The following SLC35F4 variants were observed in gnomAD, a reference collection of about 807,000 sequenced individuals.
SLC35F4 encodes the protein chromosome 14 open reading frame 36.
SLC35F4 carries 24 observed loss-of-function variants against 44.2 expected under a neutral mutation model. The ratio of observed to expected loss-of-function variants is 0.54; its 90% CI spans 0.39 to 0.76. The LOEUF is 0.76. Ranked by LOEUF, SLC35F4 falls within the 30% of genes least tolerant of loss-of-function variation. The pLI is 0.00. For missense variants in SLC35F4, 562 were observed against 586.1 expected, an observed-to-expected ratio of 0.96 and a Z score of 0.42; for synonymous variants, 238 against 223.6, an observed-to-expected ratio of 1.06 and a Z score of -0.57.
chr14:57,933,009 G>A (rs1464308036), intron 1 of SLC35F4, among the ~76,000 whole-genome samples: 1 of 151,210 alleles, frequency 6.6e-6, no homozygotes, highest in African/African-American at 2.4e-5. Context: ...AACCTCGGAA[G>A]GTTAATAAGG....
intron 1 of SLC35F4, among the ~76,000 whole-genome samples, chr14:57,956,601 AC>A (rs1279089461): frequency 3.9e-5 from 6 of 152,194 alleles, no homozygotes; most frequent in African/African-American, 1.4e-4. Context: ...CAAGAAAAAA[AC>A]AAACAACCCC....
chr14:57,766,458 A>G (rs2077236309), intron 1 of SLC35F4, among the ~76,000 whole-genome samples: 1 of 152,220 alleles, frequency 6.6e-6, no homozygotes, highest in Admixed American at 6.5e-5. Context: ...AGTTGGGTGC[A>G]GTAGAGTGAG....
intron 1 of SLC35F4, among the ~76,000 whole-genome samples, chr14:57,863,026 T>TA (rs58740607): frequency 0.099 from 15,049 of 151,932 alleles, 2,281 homozygotes; most frequent in African/African-American, 0.32. Context: ...TCATCTTTTT[T>TA]AAAAAAAATG....
At chr14:57,910,672 T>A (rs1329473741) in intron 1 of SLC35F4, among the ~76,000 whole-genome samples, 1 of 152,104 alleles carries the variant, frequency 6.6e-6, no homozygotes, top group African/African-American at 2.4e-5. Flanking sequence ...ACACACTGTT[T>A]TGATTACTAT....
At chr14:57,590,114 G>C (rs1445475446) in intron 2 of SLC35F4, among the ~76,000 whole-genome samples, 1 of 148,480 alleles carries the variant, frequency 6.7e-6, no homozygotes, top group Non-Finnish European at 1.5e-5. Flanking sequence ...AAATGGCCTG[G>C]TGCTGTGACT....
At position 57,865,713 on chromosome 14, in the gene SLC35F4, G is replaced by T; in HGVS notation, c.103+10C>A. The T allele has an allele frequency of 6.6e-7, 1 of 1,514,872 alleles. No homozygotes were observed. Among genetic ancestry groups the T allele is most frequent in the South Asian group, 1.2e-5 (1 of 81,196 alleles). The allele number at this position is 1,514,872 out of a possible 1,614,324, so 93.8% of individuals were successfully genotyped here. A position where few individuals can be genotyped will look rare whatever the true frequency, so the allele number is the denominator to read the frequency against. Reference sequence around the variant, plus strand: ...CCCGCCTCGCGCAGGGCAGCCGCGCGGCGTCTTACTTTTCTGGCTGGAGTA... The same window carrying T: ...CCCGCCTCGCGCAGGGCAGCCGCGCTGCGTCTTACTTTTCTGGCTGGAGTA... On this transcript the variant is annotated intron_variant, in intron 1 of 7. Coordinates refer to ENST00000556826, the MANE Select transcript of SLC35F4 (RefSeq NM_001306087.2).
rs1001498942 is a variant in SLC35F4 at position 57,865,743 on chromosome 14, G to A, written c.83C>T (p.Pro28Leu). 20 of 1,523,278 alleles carry A rather than the reference G, an allele frequency of 1.3e-5. No individual in the cohort carries two copies. Among genetic ancestry groups the A allele is most frequent in the Non-Finnish European group, 1.6e-5 (18 of 1,141,718 alleles). 94.4% of individuals were successfully genotyped at this position (1,523,278 alleles called of 1,614,324 possible). Residue 28 changes from proline (P) to leucine (L), a missense_variant, in exon 1 of 8, where the codon CCA (proline) becomes CTA (leucine). Coordinates refer to ENST00000556826, the MANE Select transcript of SLC35F4 (RefSeq NM_001306087.2). ...CTTACTTTTCTGGCTGGAGTAACCT[G>A]GATAATAGCCATAGTAGCCGGTGAT... Reference protein sequence around the residue: ...LRITGYYGYYPGYSSQKSTSR... With the variant: ...LRITGYYGYYLGYSSQKSTSR...
At chr14:57,945,165 C>T (rs1041203563) in intron 1 of SLC35F4, among the ~76,000 whole-genome samples, 6 of 152,128 alleles carry the variant, frequency 3.9e-5, no homozygotes, top group Admixed American at 2.0e-4. Context: ...TAAAGAGCCT[C>T]TCTGTTTGTT....
intron 1 of SLC35F4, among the ~76,000 whole-genome samples, chr14:57,899,249 A>T (rs1381621490): frequency 1.3e-5 from 2 of 152,176 alleles, no homozygotes. Context: ...TCCACTGAAA[A>T]ATCTCCATTT....
chr14:57,730,991 G>A (rs944843537), intron 1 of SLC35F4, among the ~76,000 whole-genome samples: 1 of 152,150 alleles, frequency 6.6e-6, no homozygotes, highest in Non-Finnish European at 1.5e-5. Flanking sequence ...ATTGCCAAGG[G>A]AGAATATTAT....
intron 1 of SLC35F4, among the ~76,000 whole-genome samples, chr14:57,926,151 C>T (rs1018341980): frequency 1.3e-5 from 2 of 152,214 alleles, no homozygotes; most frequent in African/African-American, 2.4e-5. Context: ...TATCCCACAT[C>T]AGACACTCAA....
intron 1 of SLC35F4, among the ~76,000 whole-genome samples, chr14:57,879,729 C>T (rs1888478343): frequency 6.6e-6 from 1 of 152,122 alleles, no homozygotes; most frequent in African/African-American, 2.4e-5. Flanking sequence ...TCCTTTGTGT[C>T]CTGTTGTGTC....
At chr14:57,919,377 G>A (rs1335279479) in intron 1 of SLC35F4, among the ~76,000 whole-genome samples, 1 of 152,100 alleles carries the variant, frequency 6.6e-6, no homozygotes, top group East Asian at 1.9e-4. Context: ...TCTAACTTGC[G>A]ACACTTCAAA....
chr14:57,628,529 T>C (rs1033031506), intron 1 of SLC35F4, among the ~76,000 whole-genome samples: 1 of 144,280 alleles, frequency 6.9e-6, no homozygotes, highest in African/African-American at 2.6e-5. Flanking sequence ...CTCCCACTTA[T>C]GAGTGAAAAC....
chr14:57,670,898 CA>C (rs1762415258), intron 1 of SLC35F4, among the ~76,000 whole-genome samples: 1 of 114,056 alleles, frequency 8.8e-6, no homozygotes, highest in Non-Finnish European at 1.8e-5. Context: ...GTAACTCATT[CA>C]TTCTTTTTTT....
chr14:57,911,825 A>G lies in SLC35F4; in HGVS notation n.282+70088T>C, dbSNP rs139381806. Among the ~76,000 whole-genome samples the G allele has an allele frequency of 1.3e-5, 2 of 152,028 alleles. 1 individual carries two copies. Among genetic ancestry groups the G allele is most frequent in the East Asian group, 3.9e-4 (2 of 5,186 alleles). ...GTTAGGAAGTATTTCCTCTGCTTCT[A>G]TTTTCTGAAATAGATTGTAGATAAT... On this transcript the variant is annotated intron_variant and non_coding_transcript_variant, in intron 1 of 1. Coordinates refer to the SLC35F4 transcript ENST00000556568.
In SLC35F4 at chr14:57,566,615, CT is replaced by C. The variant is rs150426168; in HGVS notation, c.1127-52del. On this transcript the variant is annotated intron_variant, in intron 6 of 7. Coordinates refer to ENST00000556826, the MANE Select transcript of SLC35F4 (RefSeq NM_001306087.2). ...GATGAAAGAGAAATAATACGCTGGA[CT>C]TTTTTCTCCTTATAGTAAATGAATC... 1.0e-3 allele frequency: 1,551 copies of C among 1,489,564 alleles called. 16 individuals carry two copies. In the African/African-American group the frequency reaches 0.019, roughly 18 times the overall value. 92.3% of individuals were successfully genotyped at this position (1,489,564 alleles called of 1,614,324 possible). A position where few individuals can be genotyped will look rare whatever the true frequency, so the allele number is the denominator to read the frequency against.
At position 57,813,605 on chromosome 14, in the gene SLC35F4, GTATTT is replaced by G. The variant is rs1442759617; in HGVS notation, c.103+52113_103+52117del. On this transcript the variant is annotated intron_variant, in intron 1 of 7. Coordinates refer to ENST00000556826, the MANE Select transcript of SLC35F4 (RefSeq NM_001306087.2). ...AAATATTAATGCTTCCTTATAAAAA[GTATTT>G]TATAAGTATTAATTTTTTATAAGAT... Among the ~76,000 whole-genome samples the G allele has an allele frequency of 3.9e-5, 6 of 152,170 alleles. No homozygotes were observed. In the East Asian group the frequency reaches 1.2e-3, roughly 29 times the overall value.
At chr14:57,637,423 A>G (rs1479145627) in intron 1 of SLC35F4, among the ~76,000 whole-genome samples, 1 of 152,138 alleles carries the variant, frequency 6.6e-6, no homozygotes, top group East Asian at 1.9e-4. Context: ...ACCTTTCTGG[A>G]GGAAGCTGTT....
Sources: allele counts gnomAD v4.1 joint callset (sites outside exome capture counted in the v4.1 genomes callset), GRCh38; gene constraint gnomAD v4.1.1; transcripts MANE v1.5; gene names NCBI Gene and HGNC (gene_info 2026-07-23, HGNC 2026-07-21).